The following THSD4 variants were observed in gnomAD, a reference collection of about 807,000 sequenced individuals.
THSD4 encodes thrombospondin type-1 domain-containing protein 4.
Under a neutral mutation model 119.0 loss-of-function variants are expected in THSD4, and 69 were observed. That is an observed-to-expected ratio of 0.58 (90% CI 0.48 to 0.71). The LOEUF (loss-of-function observed/expected upper bound fraction) is 0.71. Ranked by LOEUF, THSD4 falls within the 30% of genes least tolerant of loss-of-function variation. THSD4 has a pLI of 0.00. For missense variants in THSD4, 1,393 were observed against 1,391.1 expected (o/e 1.00, Z -0.02); for synonymous variants, 524 against 540.4 (o/e 0.97, Z 0.42).
intron 6 of THSD4, among the ~76,000 whole-genome samples, chr15:71,336,053 G>T (rs1293672955): frequency 6.6e-6 from 1 of 152,098 alleles, no homozygotes. Flanking sequence ...ATGGCCTTTC[G>T]CATTGCAATC....
intron 2 of THSD4, among the ~76,000 whole-genome samples, chr15:71,144,957 T>C (rs192167171): frequency 6.6e-6 from 1 of 152,228 alleles, no homozygotes; most frequent in Non-Finnish European, 1.5e-5. Context: ...GAAATGGCAC[T>C]AAATGATACA....
rs111962948 is a variant in THSD4 at position 71,363,874 on chromosome 15, G to A, written c.1016-47813G>A. Among the ~76,000 whole-genome samples, 9 of 152,292 alleles carry A rather than the reference G, an allele frequency of 5.9e-5. No individual in the cohort carries two copies. In the South Asian group the frequency reaches 6.2e-4, roughly 11 times the overall value. ...AGTTAAAGTAATGAAAGGCGCAGAC[G>A]TATAAAATGAGATGGTGCAGAAAGG... On this transcript the variant is annotated intron_variant, in intron 6 of 17. Coordinates refer to ENST00000261862, the MANE Select transcript of THSD4 (RefSeq NM_024817.3).
At chr15:71,667,111 G>C (rs546160629) in intron 8 of THSD4, among the ~76,000 whole-genome samples, 20 of 152,322 alleles carry the variant, frequency 1.3e-4, no homozygotes, top group African/African-American at 4.1e-4. Context: ...ATTTGAATTT[G>C]TTTACATGCT....
intron 1 of THSD4, among the ~76,000 whole-genome samples, chr15:71,133,759 T>C (rs2040524238): frequency 6.6e-6 from 1 of 152,228 alleles, no homozygotes; most frequent in Admixed American, 6.5e-5. Flanking sequence ...TTTAAGTATC[T>C]TACCCGCCTG....
chr15:71,192,331 G>T (rs2043679375), intron 3 of THSD4, among the ~76,000 whole-genome samples: 1 of 152,028 alleles, frequency 6.6e-6, no homozygotes, highest in African/African-American at 2.4e-5. Context: ...CACCCAGGCT[G>T]GTGTGCAGTG....
At chr15:71,411,580 A>G in intron 6 of THSD4, 107 bp from the exon 7 acceptor site, 2 of 1,268,904 alleles carry the variant, frequency 1.6e-6, no homozygotes, top group Non-Finnish European at 2.1e-6. Flanking sequence ...GTGTTATACA[A>G]ATTTTTCTCA....
At chr15:71,396,712 T>C (rs1415622973) in intron 6 of THSD4, among the ~76,000 whole-genome samples, 2 of 152,240 alleles carry the variant, frequency 1.3e-5, no homozygotes, top group East Asian at 3.8e-4. Flanking sequence ...GGCTTACTAC[T>C]GGCAGAACCC....
chr15:71,097,048 T>A (rs1000535474), intron 1 of THSD4: 1 of 152,246 alleles, frequency 6.6e-6, no homozygotes, highest in African/African-American at 2.4e-5. Context: ...CAGTGTAAAG[T>A]GATTCTTAGT....
chr15:71,169,314 T>C (rs987423173), intron 3 of THSD4, among the ~76,000 whole-genome samples: 21 of 152,332 alleles, frequency 1.4e-4, no homozygotes, highest in Admixed American at 1.2e-3. Flanking sequence ...ATTGGAACTT[T>C]CATACACTGC....
intron 3 of THSD4, among the ~76,000 whole-genome samples, chr15:71,209,957 C>A (rs1252654099): frequency 6.6e-6 from 1 of 152,188 alleles, no homozygotes; most frequent in Admixed American, 6.5e-5. Flanking sequence ...TTTCACCTTC[C>A]ACCATGATTG....
chr15:71,451,344 A>C (rs1373935735), intron 7 of THSD4, among the ~76,000 whole-genome samples: 1 of 152,178 alleles, frequency 6.6e-6, no homozygotes, highest in African/African-American at 2.4e-5. Flanking sequence ...GATTGTCTGG[A>C]CTGGGATCAA....
chr15:71,109,015 A>C lies in THSD4; in HGVS notation c.-80+12009A>C, dbSNP rs185574359. On this transcript the variant is annotated intron_variant, in intron 1 of 17. Transcript: ENST00000355327. Reference sequence around the variant, plus strand: ...TCAAACAAACAAACAAACAAACAAAAAAACAAACAAAAAAACAAAAAGAGA... The same window carrying C: ...TCAAACAAACAAACAAACAAACAAACAAACAAACAAAAAAACAAAAAGAGA... Among the ~76,000 whole-genome samples the C allele has an allele frequency of 2.4e-4, 35 of 148,774 alleles. No individual in the cohort carries two copies. In the East Asian group the frequency reaches 2.7e-3, roughly 12 times the overall value.
intron 6 of THSD4, among the ~76,000 whole-genome samples, chr15:71,357,529 G>A (rs190140308): frequency 8.5e-5 from 13 of 152,316 alleles, no homozygotes; most frequent in Non-Finnish European, 1.0e-4. Context: ...GCCAGGTTTC[G>A]AGAAAGTATT....
intron 1 of THSD4, among the ~76,000 whole-genome samples, chr15:71,136,054 A>G (rs1596216985): frequency 8.2e-6 from 1 of 121,486 alleles, no homozygotes; most frequent in Non-Finnish European, 1.6e-5. Context: ...TCAACCAATC[A>G]TCTTTCCCCA....
At chr15:71,359,709 C>T (rs2045867058) in intron 6 of THSD4, among the ~76,000 whole-genome samples, 1 of 152,142 alleles carries the variant, frequency 6.6e-6, no homozygotes. Context: ...ACTCAGAAGG[C>T]TGAGGTGAAA....
intron 3 of THSD4, among the ~76,000 whole-genome samples, chr15:71,169,587 A>G (rs949761067): frequency 6.6e-6 from 1 of 152,232 alleles, no homozygotes. Flanking sequence ...AACACCAAAC[A>G]ACAATAAGGA....
intron 1 of THSD4, among the ~76,000 whole-genome samples, chr15:71,101,524 A>G (rs1346256986): frequency 6.6e-6 from 1 of 152,010 alleles, no homozygotes; most frequent in African/African-American, 2.4e-5. Context: ...CTCTTATTTC[A>G]TTACTATTGT....
In THSD4 at chr15:71,115,724, C is replaced by G. The variant is rs964394838; in HGVS notation, c.-80+26C>G. 1 of 147,368 alleles carries G rather than the reference C, an allele frequency of 6.8e-6. No individual in the cohort carries two copies. The highest frequency in any genetic ancestry group is 2.1e-4 in the South Asian group (1 of 4,822). 9.1% of individuals were successfully genotyped at this position (147,368 alleles called of 1,614,324 possible). On this transcript the variant is annotated intron_variant, in intron 1 of 17. Transcript: ENST00000261862. This position sits in a 1 kb window ranked among gnomAD's most constrained non-coding sequence, Gnocchi z 4.4. ...GTGAGCAGAGCCGCGCGCCCCGCGTCCCCTGCGCGCCGCCCGCGCGGCCCC... is the reference window on the plus strand; with the variant it reads ...GTGAGCAGAGCCGCGCGCCCCGCGTGCCCTGCGCGCCGCCCGCGCGGCCCC...
In THSD4 at chr15:71,115,841, C is replaced by G. The variant is rs1186731535; in HGVS notation, c.-80+143C>G. 2.0e-5 allele frequency: 3 copies of G among 151,578 alleles called. No homozygotes were observed. The South Asian group carries it at 6.2e-4, about 31-fold the overall frequency. The allele number at this position is 151,578 out of a possible 1,614,324, so 9.4% of individuals were successfully genotyped here. ...TACCCAGTGGGTGTGTCCGGGGCGC[C>G]GCGGGCTGCGCCGCTCCGGGCTCGG... On this transcript the variant is annotated intron_variant, in intron 1 of 17. Transcript: ENST00000261862. This position sits in a 1 kb window ranked among gnomAD's most constrained non-coding sequence, Gnocchi z 4.4.
Sources: allele counts gnomAD v4.1 joint callset (sites outside exome capture counted in the v4.1 genomes callset), GRCh38; gene constraint gnomAD v4.1.1; non-coding constraint Gnocchi (gnomAD v3.1); transcripts MANE v1.5; gene names NCBI Gene and HGNC (gene_info 2026-07-23, HGNC 2026-07-21).